The following SDK1 variants were observed in gnomAD, a reference collection of about 807,000 sequenced individuals.
SDK1 encodes the protein protein sidekick-1.
SDK1 carries 157 observed loss-of-function variants against 245.5 expected under a neutral mutation model. The observed-to-expected ratio is 0.64, with a 90% confidence interval of 0.56 to 0.73. The LOEUF (loss-of-function observed/expected upper bound fraction) is 0.73. Ranked by LOEUF, SDK1 falls within the 30% of genes least tolerant of loss-of-function variation. The pLI is 0.00. For missense variants in SDK1, 3,583 were observed against 3,002.3 expected (o/e 1.19, Z -4.52); for synonymous variants, 1,647 against 1,278.5 (o/e 1.29, Z -6.15).
intron 1 of SDK1, among the ~76,000 whole-genome samples, chr7:3,552,468 C>T (rs1167459520): frequency 6.6e-6 from 1 of 152,232 alleles, no homozygotes; most frequent in Admixed American, 6.5e-5. Flanking sequence ...CCTACCTCTT[C>T]TCCCTCTCAT....
In SDK1 at chr7:4,065,694, GTTTTTTTTTTTTTT is replaced by G. The variant is rs749991713; in HGVS notation, c.2912-2122_2912-2109del. On this transcript the variant is annotated intron_variant, in intron 19 of 44. Coordinates refer to ENST00000404826, the MANE Select transcript of SDK1 (RefSeq NM_152744.4). ...AGTTTCACCCAGATGAGTGGTTGTT[GTTTTTTTTTTTTTT>G]TTTTTTTTTTTTTTTTTTTTTGAGG... Among the ~76,000 whole-genome samples, 402 of 66,812 alleles carry G rather than the reference GTTTTTTTTTTTTTT, an allele frequency of 6.0e-3. 4 individuals carry two copies. The highest frequency in any genetic ancestry group is 0.012 in the East Asian group (12 of 1,004). 43.8% of individuals were successfully genotyped at this position (66,812 alleles called of 152,430 possible). A position where few individuals can be genotyped will look rare whatever the true frequency, so the allele number is the denominator to read the frequency against.
intron 4 of SDK1, among the ~76,000 whole-genome samples, chr7:3,711,956 T>C (rs963420920): frequency 9.9e-5 from 15 of 152,196 alleles, no homozygotes; most frequent in Admixed American, 9.8e-4. Context: ...AGTTTCCACA[T>C]TAGTGAACAA....
chr7:4,151,976 G>A (rs1780412990), intron 30 of SDK1, among the ~76,000 whole-genome samples: 1 of 152,190 alleles, frequency 6.6e-6, no homozygotes, highest in South Asian at 2.1e-4. Context: ...CAGTGTGTGT[G>A]CATCTGAACA....
intron 1 of SDK1, among the ~76,000 whole-genome samples, chr7:3,387,110 A>G (rs138576256): frequency 6.6e-6 from 1 of 152,220 alleles, no homozygotes; most frequent in East Asian, 1.9e-4. Flanking sequence ...AACCAGCCCC[A>G]AGTTGGTGTG....
intron 4 of SDK1, among the ~76,000 whole-genome samples, chr7:3,667,189 A>G (rs796531135): frequency 3.7e-4 from 57 of 152,338 alleles, no homozygotes; most frequent in African/African-American, 1.3e-3. Flanking sequence ...TCATTTGAGA[A>G]ATACATGTCC....
chr7:4,090,836 A>G (rs1781742882), intron 22 of SDK1, among the ~76,000 whole-genome samples: 1 of 152,210 alleles, frequency 6.6e-6, no homozygotes, highest in African/African-American at 2.4e-5. Flanking sequence ...CATACTGAAA[A>G]GCATTATTTC....
chr7:3,357,707 C>A (rs998416322), intron 1 of SDK1, among the ~76,000 whole-genome samples: 1 of 152,100 alleles, frequency 6.6e-6, no homozygotes, highest in Non-Finnish European at 1.5e-5. Flanking sequence ...TCTAGGCCCT[C>A]ACATCCCTCC....
chr7:3,840,658 G>A (rs761853459), intron 5 of SDK1, among the ~76,000 whole-genome samples: 16 of 152,342 alleles, frequency 1.1e-4, no homozygotes, highest in Middle Eastern at 3.4e-3. Flanking sequence ...CCCAGGTGAT[G>A]CTGATACTGC....
intron 1 of SDK1, among the ~76,000 whole-genome samples, chr7:3,554,543 C>G (rs898228160): frequency 6.6e-6 from 1 of 152,144 alleles, no homozygotes; most frequent in Non-Finnish European, 1.5e-5. Context: ...GTACTCACTC[C>G]TCCATAGGAT....
At chr7:4,074,934 T>A (rs1323704135) in intron 20 of SDK1, among the ~76,000 whole-genome samples, 3 of 128,086 alleles carry the variant, frequency 2.3e-5, no homozygotes, top group African/African-American at 6.4e-5. Context: ...TTTTTTTTAA[T>A]AAAGTTAGGA....
At chr7:4,025,397 G>T (rs1787261909) in intron 17 of SDK1, among the ~76,000 whole-genome samples, 1 of 152,232 alleles carries the variant, frequency 6.6e-6, no homozygotes, top group Non-Finnish European at 1.5e-5. Context: ...GAGGCACATA[G>T]CGGAGGACTG....
intron 27 of SDK1, 76 bp downstream of exon 27, chr7:4,130,173 G>C: frequency 7.1e-7 from 1 of 1,411,194 alleles, no homozygotes; most frequent in Non-Finnish European, 9.6e-7. Flanking sequence ...AATTTGGATT[G>C]TTGTCGCTTT....
chr7:3,920,712 G>T (rs1583566311), intron 5 of SDK1, among the ~76,000 whole-genome samples: 1 of 152,236 alleles, frequency 6.6e-6, no homozygotes, highest in Non-Finnish European at 1.5e-5. Context: ...AATTTCTAAT[G>T]GCCTCAGATA....
intron 1 of SDK1, among the ~76,000 whole-genome samples, chr7:3,484,726 T>A (rs1176126666): frequency 1.3e-5 from 2 of 152,196 alleles, no homozygotes; most frequent in African/African-American, 4.8e-5. Context: ...AGATCGGTTT[T>A]TTTTAGCTCC....
intron 2 of SDK1, among the ~76,000 whole-genome samples, chr7:3,637,531 G>T (rs1322072699): frequency 6.6e-6 from 1 of 152,220 alleles, no homozygotes; most frequent in Non-Finnish European, 1.5e-5. Flanking sequence ...CTCCGGAGTT[G>T]TAAGACGCAT....
At chr7:3,570,381 G>A (rs1160952648) in intron 1 of SDK1, among the ~76,000 whole-genome samples, 2 of 152,136 alleles carry the variant, frequency 1.3e-5, no homozygotes, top group South Asian at 4.1e-4. Context: ...CTGACGGGAG[G>A]AGTTGCTCAG....
At chr7:3,347,248 T>C (rs184390586) in intron 1 of SDK1, among the ~76,000 whole-genome samples, 3 of 152,176 alleles carry the variant, frequency 2.0e-5, no homozygotes, top group East Asian at 3.9e-4. Context: ...TTTAGCAATT[T>C]TGTAGTACTC....
chr7:4,157,636 G>A (rs1481649273), intron 30 of SDK1, among the ~76,000 whole-genome samples: 2 of 152,162 alleles, frequency 1.3e-5, no homozygotes, highest in African/African-American at 4.8e-5. Context: ...CGGGCTGGGG[G>A]TATTTTTCAC....
intron 4 of SDK1, among the ~76,000 whole-genome samples, chr7:3,673,684 G>C (rs540492927): frequency 1.3e-5 from 2 of 152,192 alleles, no homozygotes; most frequent in East Asian, 3.9e-4. Flanking sequence ...AAAGACAAAA[G>C]CTCAGTCATT....
Sources: gnomAD v4.1 joint callset for allele counts (sites outside exome capture counted in the v4.1 genomes callset) on GRCh38, gnomAD v4.1.1 for gene constraint, MANE v1.5 for transcripts, NCBI Gene and HGNC (gene_info 2026-07-23, HGNC 2026-07-21) for gene names.